EXOC4: variants seen among roughly 807,000 people sequenced by gnomAD.
EXOC4 encodes the protein SEC8-like 1.
In EXOC4, 71 loss-of-function variants were observed where a neutral mutation model predicts 107.2. The observed-to-expected ratio is 0.66, with a 90% CI of 0.55 to 0.81. The LOEUF (loss-of-function observed/expected upper bound fraction) is 0.81. Among genes scored for constraint, EXOC4 ranks in the 30% least tolerant of loss-of-function variants. EXOC4 has a pLI of 0.00. For missense variants in EXOC4, 1,108 were observed against 1,189.6 expected (o/e 0.93, Z 1.01); for synonymous variants, 456 against 441.2 (o/e 1.03, Z -0.42).
chr7:133,470,523 A>G (rs927828340), intron 7 of EXOC4, among the ~76,000 whole-genome samples: 9 of 151,856 alleles, frequency 5.9e-5, no homozygotes, highest in Non-Finnish European at 1.0e-4. Flanking sequence ...GTCCTCAGAA[A>G]AAAACAGTGA....
chr7:133,328,404 A>G (rs774167677), intron 5 of EXOC4, among the ~76,000 whole-genome samples: 6 of 152,088 alleles, frequency 3.9e-5, no homozygotes, highest in Non-Finnish European at 7.4e-5. Context: ...GTGCCTTTTA[A>G]TTGGGGCATT....
chr7:133,972,715 A>G (rs1801270509), intron 14 of EXOC4, among the ~76,000 whole-genome samples: 2 of 152,304 alleles, frequency 1.3e-5, no homozygotes, highest in Non-Finnish European at 1.5e-5. Flanking sequence ...ACATTAGAGA[A>G]TTTTTTGGTA....
At chr7:133,872,709 T>G (rs1471263284) in intron 11 of EXOC4, among the ~76,000 whole-genome samples, 1 of 152,244 alleles carries the variant, frequency 6.6e-6, no homozygotes, top group Non-Finnish European at 1.5e-5. Context: ...GGAACTGTGG[T>G]AATTTTATGA....
At chr7:133,388,012 A>AG (rs200269961) in intron 7 of EXOC4, among the ~76,000 whole-genome samples, 10 of 150,892 alleles carry the variant, frequency 6.6e-5, no homozygotes, top group Non-Finnish European at 1.5e-4. Context: ...ACCAAAAACA[A>AG]AAAAAAAAGA....
chr7:133,259,621 T>C (rs1795096985), intron 1 of EXOC4, among the ~76,000 whole-genome samples: 1 of 152,182 alleles, frequency 6.6e-6, no homozygotes, highest in Non-Finnish European at 1.5e-5. Context: ...AAAATAGTAC[T>C]CTCATGATAA....
At chr7:133,330,268 C>A (rs967769199) in intron 5 of EXOC4, among the ~76,000 whole-genome samples, 2 of 152,050 alleles carry the variant, frequency 1.3e-5, no homozygotes, top group African/African-American at 2.4e-5. Context: ...AGACGCCCCT[C>A]CCCCCACCAA....
intron 17 of EXOC4, among the ~76,000 whole-genome samples, chr7:134,012,190 A>G (rs1414440171): frequency 6.6e-6 from 1 of 152,208 alleles, no homozygotes; most frequent in East Asian, 1.9e-4. Context: ...GAAGAGTGCT[A>G]CATAATGTGA....
At chr7:133,917,521 A>G (rs557890679) in intron 12 of EXOC4, 62 bp from the exon 13 acceptor site, 91 of 1,523,260 alleles carry the variant, frequency 6.0e-5, no homozygotes, top group Middle Eastern at 5.2e-4. Context: ...AAGGTAGATG[A>G]AAATGCTAAC....
intron 7 of EXOC4, among the ~76,000 whole-genome samples, chr7:133,377,348 A>G (rs1227629709): frequency 1.3e-5 from 2 of 152,010 alleles, no homozygotes; most frequent in Non-Finnish European, 2.9e-5. Flanking sequence ...TGTGAGACTC[A>G]ATCTCAAATA....
rs572528268 is a variant in EXOC4 at position 133,357,207 on chromosome 7, GC to G, written c.1007+635del. ...CTATTGTACACATACTAAGTACTCA[GC>G]AATGTTCAAGGCAATTTATGTATAT... On this transcript the variant is annotated intron_variant, in intron 6 of 17. Coordinates refer to ENST00000253861, the MANE Select transcript of EXOC4 (RefSeq NM_021807.4). Among the ~76,000 whole-genome samples, 9 of 152,298 alleles carry G rather than the reference GC, an allele frequency of 5.9e-5. No homozygotes were observed. In the South Asian group the frequency reaches 1.9e-3, roughly 32 times the overall value.
intron 7 of EXOC4, among the ~76,000 whole-genome samples, chr7:133,459,311 T>A (rs577297217): frequency 1.3e-5 from 2 of 152,300 alleles, no homozygotes; most frequent in South Asian, 4.1e-4. Flanking sequence ...CAGTTCCTCA[T>A]CCCATTGGAT....
intron 2 of EXOC4, among the ~76,000 whole-genome samples, chr7:133,282,646 TTAAAAATTGACAAA>T (rs1794183920): frequency 6.6e-6 from 1 of 152,236 alleles, no homozygotes; most frequent in Non-Finnish European, 1.5e-5. Flanking sequence ...TTTTTAATTT[TTAAAAATTGACAAA>T]TAAAAATTAC....
intron 10 of EXOC4, among the ~76,000 whole-genome samples, chr7:133,631,434 T>C (rs1408836247): frequency 2.6e-5 from 4 of 152,228 alleles, no homozygotes; most frequent in Admixed American, 2.6e-4. Flanking sequence ...TAATCTCTTA[T>C]ATAGCTAACC....
At chr7:133,787,909 A>G (rs2551023) in intron 10 of EXOC4, among the ~76,000 whole-genome samples, 1 of 126,528 alleles carries the variant, frequency 7.9e-6, no homozygotes, top group African/African-American at 2.8e-5. Context: ...AACTTATTCA[A>G]GGTCACACAG....
intron 11 of EXOC4, among the ~76,000 whole-genome samples, chr7:133,874,095 C>T (rs968549805): frequency 3.3e-5 from 5 of 152,036 alleles, no homozygotes; most frequent in African/African-American, 9.7e-5. Context: ...TATGTTAAAG[C>T]CTAAGGTTAC....
At chr7:133,882,766 A>G (rs777893661) in intron 11 of EXOC4, among the ~76,000 whole-genome samples, 3 of 152,184 alleles carry the variant, frequency 2.0e-5, no homozygotes, top group Admixed American at 6.5e-5. Flanking sequence ...TAGCTGAATC[A>G]TAGAGAGGGA....
At position 133,374,919 on chromosome 7, in the gene EXOC4, G is replaced by C. The variant is rs1202809620; in HGVS notation, c.1099G>C (p.Val367Leu). 1 of 1,613,930 alleles carries C rather than the reference G, an allele frequency of 6.2e-7. No individual in the cohort carries two copies. Among genetic ancestry groups the C allele is most frequent in the Non-Finnish European group, 8.5e-7 (1 of 1,179,850 alleles). The change falls in exon 7 of 18, where the codon GTA becomes CTA. Residue 367 changes from valine to leucine, a missense_variant. Physicochemically the swap from Val to Leu is conservative, Grantham distance 32. Coordinates refer to ENST00000253861, the MANE Select transcript of EXOC4 (RefSeq NM_021807.4). ...SVVLGYLQDT[V>L]VTPLTQQEDI... ...GGTCCTGGGATACCTGCAGGACACT[G>C]TAGTGACTCCACTGACTCAGCAGGA...
At chr7:133,489,959 A>C (rs1799340369) in intron 9 of EXOC4, among the ~76,000 whole-genome samples, 1 of 152,200 alleles carries the variant, frequency 6.6e-6, no homozygotes, top group Non-Finnish European at 1.5e-5. Context: ...TCTGGCTAAT[A>C]GGATGTGATT....
intron 14 of EXOC4, among the ~76,000 whole-genome samples, chr7:133,971,859 G>A (rs1801247456): frequency 6.6e-6 from 1 of 152,202 alleles, no homozygotes; most frequent in Non-Finnish European, 1.5e-5. Flanking sequence ...GATGGAGACC[G>A]CAGTCAGGCC....
Sources: gnomAD v4.1 joint callset for allele counts (sites outside exome capture counted in the v4.1 genomes callset) on GRCh38, gnomAD v4.1.1 for gene constraint, MANE v1.5 for transcripts, NCBI Gene and HGNC (gene_info 2026-07-23, HGNC 2026-07-21) for gene names.